EPHA6: variants seen among roughly 807,000 people sequenced by gnomAD.
EPHA6 encodes the protein ephrin type-A receptor 6.
Under a neutral mutation model 112.0 loss-of-function variants are expected in EPHA6, and 50 were observed. That is an observed-to-expected ratio of 0.45 (90% CI 0.36 to 0.56). EPHA6 has a LOEUF of 0.56. Ranked by LOEUF, EPHA6 falls within the 20% of genes least tolerant of loss-of-function variation. The pLI is 0.00. For missense variants in EPHA6, 1,280 were observed against 1,417.4 expected (o/e 0.90, Z 1.56); for synonymous variants, 529 against 490.7 (o/e 1.08, Z -1.03).
chr3:97,604,298 A>T (rs939984240), intron 12 of EPHA6, among the ~76,000 whole-genome samples: 1 of 151,642 alleles, frequency 6.6e-6, no homozygotes. Context: ...TACAACTTCA[A>T]CTGTACTGTG....
At chr3:97,457,724 T>C (rs1390662122) in intron 7 of EPHA6, among the ~76,000 whole-genome samples, 1 of 152,002 alleles carries the variant, frequency 6.6e-6, no homozygotes, top group Non-Finnish European at 1.5e-5. Context: ...GACAAATGTT[T>C]ATAAAATAAA....
At chr3:97,505,947 CT>C (rs371010001) in intron 10 of EPHA6, among the ~76,000 whole-genome samples, 47 of 152,142 alleles carry the variant, frequency 3.1e-4, no homozygotes, top group African/African-American at 1.1e-3. Context: ...TGGTGATGAA[CT>C]TTTTTTCATG....
chr3:97,708,900 A>G lies in EPHA6; in HGVS notation c.2785-11361A>G, dbSNP rs555111892. Among the ~76,000 whole-genome samples, 4 of 152,320 alleles carry G rather than the reference A, an allele frequency of 2.6e-5. No individual in the cohort carries two copies. The East Asian group carries it at 7.7e-4, about 29-fold the overall frequency. ...TGATATTGGGCCTGCAGGTGTGCAG[A>G]AGACAAGAATTGAGCTTTGGGGGCA... On this transcript the variant is annotated intron_variant, in intron 14 of 17. Coordinates refer to ENST00000389672, the MANE Select transcript of EPHA6 (RefSeq NM_001080448.3).
chr3:97,187,721 G>GAAAGAA (rs1553718573), intron 3 of EPHA6, among the ~76,000 whole-genome samples: 1 of 147,636 alleles, frequency 6.8e-6, no homozygotes, highest in Non-Finnish European at 1.5e-5. Context: ...AAGAAAGAAA[G>GAAAGAA]AAAGAAAGAA....
chr3:97,222,755 C>T (rs1431591434), intron 3 of EPHA6, among the ~76,000 whole-genome samples: 1 of 152,180 alleles, frequency 6.6e-6, no homozygotes, highest in African/African-American at 2.4e-5. Context: ...ACACACTATC[C>T]AGTTCAATTA....
chr3:97,161,638 G>A (rs539234389), intron 3 of EPHA6, among the ~76,000 whole-genome samples: 1 of 152,188 alleles, frequency 6.6e-6, no homozygotes, highest in East Asian at 1.9e-4. Context: ...GGCGGCAGGA[G>A]AGGTCAGATG....
At chr3:97,058,295 T>TTTGTTG (rs202158767) in intron 3 of EPHA6, among the ~76,000 whole-genome samples, 54 of 151,850 alleles carry the variant, frequency 3.6e-4, no homozygotes, top group African/African-American at 1.3e-3. Context: ...GAGTTTTTTT[T>TTTGTTG]TTGTTGTTGT....
At chr3:96,912,025 A>G (rs2039242731) in intron 2 of EPHA6, among the ~76,000 whole-genome samples, 1 of 152,086 alleles carries the variant, frequency 6.6e-6, no homozygotes, top group African/African-American at 2.4e-5. Flanking sequence ...ATAAATTCAA[A>G]TTGTTTTGAT....
intron 3 of EPHA6, among the ~76,000 whole-genome samples, chr3:97,116,456 T>G (rs1436666276): frequency 6.6e-6 from 1 of 151,636 alleles, no homozygotes; most frequent in Non-Finnish European, 1.5e-5. Flanking sequence ...TCTCCGGAAC[T>G]TATTCATCCT....
chr3:97,073,518 C>T (rs1232075106), intron 3 of EPHA6, among the ~76,000 whole-genome samples: 1 of 152,082 alleles, frequency 6.6e-6, no homozygotes, highest in Non-Finnish European at 1.5e-5. Context: ...ACTTAGACTG[C>T]ACAGGGAAAG....
rs543537135 is a variant in EPHA6 at position 97,315,698 on chromosome 3, G to A, written c.1606+71411G>A. On this transcript the variant is annotated intron_variant, in intron 5 of 17. Transcript: ENST00000389672. ...ATTGGTGTAAAGTCATATGCACAGA[G>A]CTATTCAAAACATAAAAAAGCTTCA... Among the ~76,000 whole-genome samples the A allele has an allele frequency of 2.0e-3, 305 of 151,776 alleles. 1 individual carries two copies. The highest frequency in any genetic ancestry group is 3.5e-3 in the Non-Finnish European group (234 of 67,802).
intron 3 of EPHA6, among the ~76,000 whole-genome samples, chr3:97,060,920 T>A: frequency 1.5e-5 from 1 of 67,758 alleles, no homozygotes; most frequent in Non-Finnish European, 2.4e-5. Context: ...CCAGACTCCG[T>A]CTCAAAAAAA....
intron 2 of EPHA6, among the ~76,000 whole-genome samples, chr3:96,901,357 T>C (rs1303321080): frequency 6.6e-6 from 1 of 152,162 alleles, no homozygotes; most frequent in Admixed American, 6.6e-5. Flanking sequence ...GTATGTATAA[T>C]ATACATACAA....
intron 7 of EPHA6, among the ~76,000 whole-genome samples, chr3:97,453,690 G>T (rs2107344758): frequency 6.6e-6 from 1 of 151,708 alleles, no homozygotes; most frequent in Non-Finnish European, 1.5e-5. Context: ...AGATACAAAT[G>T]AATAAATGTA....
intron 1 of EPHA6, among the ~76,000 whole-genome samples, chr3:96,844,053 C>G (rs1422552093): frequency 6.6e-6 from 1 of 152,014 alleles, no homozygotes; most frequent in Non-Finnish European, 1.5e-5. Flanking sequence ...CAGTTCCCAT[C>G]TAGGCTGGAG....
At chr3:97,701,571 A>G (rs2033392456) in intron 14 of EPHA6, among the ~76,000 whole-genome samples, 1 of 151,952 alleles carries the variant, frequency 6.6e-6, no homozygotes, top group African/African-American at 2.4e-5. Flanking sequence ...GTATATTTTG[A>G]TAGTCTAACA....
chr3:97,704,364 G>A (rs1388738509), intron 14 of EPHA6, among the ~76,000 whole-genome samples: 1 of 152,186 alleles, frequency 6.6e-6, no homozygotes, highest in Non-Finnish European at 1.5e-5. Flanking sequence ...CAAAAAGGCA[G>A]AGGAACGGTG....
chr3:97,420,942 A>G (rs2107183619), intron 6 of EPHA6, among the ~76,000 whole-genome samples: 1 of 152,262 alleles, frequency 6.6e-6, no homozygotes, highest in Non-Finnish European at 1.5e-5. Context: ...CATTCAGCAG[A>G]TAAAAGGAAA....
At chr3:97,453,534 A>G (rs77276854) in intron 7 of EPHA6, among the ~76,000 whole-genome samples, 2 of 151,730 alleles carry the variant, frequency 1.3e-5, no homozygotes, top group Non-Finnish European at 1.5e-5. Flanking sequence ...GTAATGATGG[A>G]CTAAATTTAT....
Sources: allele counts gnomAD v4.1 joint callset (sites outside exome capture counted in the v4.1 genomes callset), GRCh38; gene constraint gnomAD v4.1.1; transcripts MANE v1.5; gene names NCBI Gene and HGNC (gene_info 2026-07-23, HGNC 2026-07-21).